Variants in METTL8 observed in about 807,000 individuals in gnomAD.
The protein encoded by METTL8 is tRNA N(3)-cytidine methyltransferase METTL8, mitochondrial.
METTL8 carries 32 observed loss-of-function variants against 48.7 expected under a neutral mutation model. The observed-to-expected ratio is 0.66, with a 90% CI of 0.50 to 0.88. METTL8 has a LOEUF of 0.88. METTL8 is among the 40% of genes least tolerant of loss of function. METTL8 has a pLI of 0.00. For missense variants in METTL8, 464 were observed against 474.4 expected, an observed-to-expected ratio of 0.98 and a Z score of 0.20; for synonymous variants, 136 against 157.1, an observed-to-expected ratio of 0.87 and a Z score of 1.01.
rs752177413 is a variant in METTL8, at chr2:171,325,830, G to A, written c.1033+11C>T. The A allele has an allele frequency of 1.3e-6, 2 of 1,507,066 alleles. No individual in the cohort carries two copies. The highest frequency in any genetic ancestry group is 1.8e-6 in the Non-Finnish European group (2 of 1,098,758). 93.4% of individuals were successfully genotyped at this position (1,507,066 alleles called of 1,614,324 possible). On this transcript the variant is annotated intron_variant, in intron 9 of 9. Transcript: ENST00000375258. Reference sequence around the variant, plus strand: ...TTATGACCAATTATTTCCTTTTGTAGATTAGCATACCTTTTGTAAAGAAAT... The same window carrying A: ...TTATGACCAATTATTTCCTTTTGTAAATTAGCATACCTTTTGTAAAGAAAT...
intron 1 of METTL8, among the ~76,000 whole-genome samples, chr2:171,412,750 G>C (rs549968180): frequency 2.7e-5 from 4 of 149,310 alleles, no homozygotes; most frequent in Admixed American, 6.7e-5. Context: ...GCAGTTTCAC[G>C]TAAGCATTTC....
At chr2:171,404,054 T>TAC (rs1689912822) in intron 1 of METTL8, among the ~76,000 whole-genome samples, 1 of 27,910 alleles carries the variant, frequency 3.6e-5, no homozygotes, top group Admixed American at 3.8e-4. Context: ...TGCTTTCTCA[T>TAC]ATATATATAT....
chr2:171,341,633 C>A (rs1483110736), intron 3 of METTL8, among the ~76,000 whole-genome samples: 3 of 151,688 alleles, frequency 2.0e-5, no homozygotes, highest in African/African-American at 7.3e-5. Flanking sequence ...TAGGCCTAAT[C>A]CACGCATTAG....
intron 2 of METTL8, among the ~76,000 whole-genome samples, chr2:171,372,472 A>C (rs935150722): frequency 2.0e-5 from 3 of 151,780 alleles, no homozygotes; most frequent in Admixed American, 6.6e-5. Context: ...AGGTACAATA[A>C]TTTCTTTTTA....
chr2:171,375,876 G>A (rs1034004714), intron 2 of METTL8, among the ~76,000 whole-genome samples: 2 of 152,116 alleles, frequency 1.3e-5, no homozygotes, highest in Non-Finnish European at 2.9e-5. Context: ...TGCATTCTAG[G>A]TTCTTTAACC....
chr2:171,372,590 C>T lies in METTL8; in HGVS notation c.144-12077G>A, dbSNP rs567077301. On this transcript the variant is annotated intron_variant, in intron 2 of 9. Coordinates refer to ENST00000375258, the MANE Select transcript of METTL8 (RefSeq NM_001321154.2). ...TGTTGGTGTGCTGCACCCATTAACT[C>T]GTCATTTACATTAGGTACATCTCCT... Among the ~76,000 whole-genome samples the T allele has an allele frequency of 1.6e-4, 25 of 152,052 alleles. 1 individual carries two copies. In the East Asian group the frequency reaches 2.5e-3, roughly 15 times the overall value.
chr2:171,427,528 G>A (rs1692538494), intron 1 of METTL8, among the ~76,000 whole-genome samples: 1 of 152,164 alleles, frequency 6.6e-6, no homozygotes, highest in African/African-American at 2.4e-5. Context: ...CTGGCCTTCT[G>A]AGAGTTTTTG....
In METTL8 at chr2:171,326,128, C is replaced by T. The variant is rs1347838265; in HGVS notation, c.881G>A (p.Arg294Gln). Reference sequence around the variant, plus strand: ...CCCAGGTTTCAGTAACTTGGACAGTCGGTTTACAACACCTTGCATCCTTTG... The same window carrying T: ...CCCAGGTTTCAGTAACTTGGACAGTTGGTTTACAACACCTTGCATCCTTTG... ...HPDRMQGVVN[R>Q]LSKLLKPGGM... The change falls in exon 8 of 10, where the codon CGA becomes CAA. Residue 294 changes from arginine to glutamine, a missense_variant. Transcript: ENST00000375258. 10 of 1,540,234 alleles carry T rather than the reference C, an allele frequency of 6.5e-6. No individual in the cohort carries two copies. The highest frequency in any genetic ancestry group is 2.0e-5 in the Admixed American group (1 of 50,580).
At chr2:171,400,142 G>A (rs567110564) in intron 1 of METTL8, among the ~76,000 whole-genome samples, 36 of 151,796 alleles carry the variant, frequency 2.4e-4, no homozygotes, top group Middle Eastern at 6.8e-3. Flanking sequence ...CTATCAAGGG[G>A]TACTATTTTA....
intron 1 of METTL8, among the ~76,000 whole-genome samples, chr2:171,413,008 T>C (rs113119120): frequency 2.0e-5 from 3 of 152,340 alleles, no homozygotes; most frequent in African/African-American, 7.2e-5. Flanking sequence ...TAAAATGAAA[T>C]GTGTCAACAT....
intron 5 of METTL8, chr2:171,332,872 G>T (rs1430592032): frequency 6.6e-6 from 1 of 152,190 alleles, no homozygotes; most frequent in Admixed American, 6.6e-5. Flanking sequence ...TTAGAAGTGG[G>T]AGTCACATGC....
rs900139157 is a variant in METTL8 at position 171,392,327 on chromosome 2, A to G, written c.-12-130T>C. ...TGAAAACTAGAAACTTTTTAATGAA[A>G]GATGAGCATAACAGCTTCTCTCCTG... is the stretch of plus-strand genomic sequence containing the variant. On this transcript the variant is annotated intron_variant, in intron 1 of 9. Transcript: ENST00000375258. 8 of 670,804 alleles carry G rather than the reference A, an allele frequency of 1.2e-5. No homozygotes were observed. In the African/African-American group the frequency reaches 1.3e-4, roughly 11 times the overall value. The allele number at this position is 670,804 out of a possible 1,614,324, so 41.6% of individuals were successfully genotyped here.
At chr2:171,340,830 G>A (rs954961872) in intron 3 of METTL8, among the ~76,000 whole-genome samples, 2 of 152,074 alleles carry the variant, frequency 1.3e-5, no homozygotes, top group African/African-American at 4.8e-5. Flanking sequence ...GAATCTGGAG[G>A]CCATCCCGTA....
Position 171,316,582 on chromosome 2 carries a change from G to A in METTL8, c.*7590C>T, listed in dbSNP as rs544158267. On this transcript the variant is annotated 3_prime_UTR_variant, in exon 10 of 10. Transcript: ENST00000375258. The stretch of plus-strand genomic sequence containing the variant: ...GCTGCAAATGAAGAGACATCTCAGA[G>A]AGTGGTGGATTAAGAATATATTCAT... 1.1e-3 allele frequency among the ~76,000 whole-genome samples: 160 copies of A among 152,324 alleles called. 1 individual carries two copies. The South Asian group carries it at 0.012, about 12-fold the overall frequency.
chr2:171,359,146 T>G (rs536380858), intron 3 of METTL8, among the ~76,000 whole-genome samples: 4 of 132,914 alleles, frequency 3.0e-5, no homozygotes, highest in African/African-American at 1.2e-4. Context: ...ATCACTATAC[T>G]CCAGACTGGG....
intron 5 of METTL8, among the ~76,000 whole-genome samples, chr2:171,335,067 G>C (rs1251236224): frequency 6.6e-6 from 1 of 152,174 alleles, no homozygotes; most frequent in African/African-American, 2.4e-5. Flanking sequence ...AGACCACTGG[G>C]GTAAAGGAAT....
intron 2 of METTL8, among the ~76,000 whole-genome samples, chr2:171,363,571 G>A (rs931022089): frequency 6.6e-6 from 1 of 151,492 alleles, no homozygotes; most frequent in African/African-American, 2.4e-5. Flanking sequence ...AAAGAACTAA[G>A]AAATTCTGTA....
At chr2:171,347,076 G>T (rs577207469) in intron 3 of METTL8, among the ~76,000 whole-genome samples, 1 of 152,302 alleles carries the variant, frequency 6.6e-6, no homozygotes. Context: ...TCCCCTGACA[G>T]GTATAAAGCC....
intron 2 of METTL8, among the ~76,000 whole-genome samples, chr2:171,384,592 G>C (rs1378906590): frequency 6.6e-6 from 1 of 152,076 alleles, no homozygotes; most frequent in Non-Finnish European, 1.5e-5. Flanking sequence ...CACTTTAGGA[G>C]GCTGAGGCAG....
Sources: gnomAD v4.1 joint callset for allele counts (sites outside exome capture counted in the v4.1 genomes callset) on GRCh38, gnomAD v4.1.1 for gene constraint, MANE v1.5 for transcripts, NCBI Gene and HGNC (gene_info 2026-07-23, HGNC 2026-07-21) for gene names.